AHCTF1: variants seen among roughly 807,000 people sequenced by gnomAD.
AHCTF1 encodes AT-hook containing transcription factor 1, also known as protein ELYS.
AHCTF1 carries 24 observed loss-of-function variants against 248.4 expected under a neutral mutation model. The ratio of observed to expected loss-of-function variants is 0.10; its 90% CI spans 0.07 to 0.14. The LOEUF (loss-of-function observed/expected upper bound fraction) is 0.14, where lower values mean the gene tolerates loss of function less well. AHCTF1 is among the 10% of genes least tolerant of loss of function. The probability of loss-of-function intolerance (pLI) is 1.00; values close to 1 mark genes in which losing one functional copy is unlikely to be tolerated. For synonymous variants in AHCTF1, 786 were observed against 929.8 expected, an observed-to-expected ratio of 0.85 and a Z score of 2.81; for missense variants, 2,206 against 2,636.2, an observed-to-expected ratio of 0.84 and a Z score of 3.57.
intron 4 of AHCTF1, among the ~76,000 whole-genome samples, chr1:246,908,169 G>A (rs1323237710): frequency 6.6e-6 from 1 of 152,010 alleles, no homozygotes; most frequent in Non-Finnish European, 1.5e-5. Flanking sequence ...TACATCTTAT[G>A]CCAATAATCT....
chr1:246,861,259 G>A lies in AHCTF1; in HGVS notation c.3772C>T (p.Pro1258Ser), dbSNP rs150123190. 1 of 1,612,196 alleles carries A rather than the reference G, an allele frequency of 6.2e-7. No homozygotes were observed. Among genetic ancestry groups the A allele is most frequent in the African/African-American group, 1.3e-5 (1 of 74,954 alleles). The part of the protein sequence containing the change: ...DDSKLEVFTT[P>S]KKCAVPVETE... ...TCCACTGGAACTGCACATTTTTTAG[G>A]TGTAGTAAATACTTCTAATTTGCTA... The change falls in exon 29 of 36, where the codon CCT becomes TCT. Residue 1258 changes from proline to serine, a missense_variant. By Grantham distance (74) the Pro-to-Ser change is moderately conservative (BLOSUM62 -1). This residue lies in a region of AHCTF1 where 955 missense variants were observed against 1,055.6 expected (regional missense o/e 0.90). Coordinates refer to ENST00000648844, the MANE Select transcript of AHCTF1 (RefSeq NM_001323342.2).
At chr1:246,931,256 G>T (rs1350644269) in intron 1 of AHCTF1, 1 of 1,549,294 alleles carries the variant, frequency 6.5e-7, no homozygotes, top group Non-Finnish European at 8.7e-7. Context: ...AAAGGGTCGC[G>T]GCCCCGGCCG....
chr1:246,890,094 T>A (rs1165901441), intron 16 of AHCTF1, 35 bp from the exon 17 acceptor site: 1 of 1,428,032 alleles, frequency 7.0e-7, no homozygotes, highest in Admixed American at 1.8e-5. Flanking sequence ...AAGCTGGTAA[T>A]AATCCCCAAA....
chr1:246,889,264 T>C (rs1441328528), intron 17 of AHCTF1, among the ~76,000 whole-genome samples: 1 of 145,840 alleles, frequency 6.9e-6, no homozygotes, highest in Non-Finnish European at 1.5e-5. Flanking sequence ...TATTTCCTTT[T>C]CTTTTCTCTT....
chr1:246,891,867 C>A lies in AHCTF1; in HGVS notation c.1857G>T (p.Gln619His). 1.9e-6 allele frequency: 3 copies of A among 1,599,266 alleles called. No homozygotes were observed. In the South Asian group the frequency reaches 3.4e-5, roughly 18 times the overall value. The change falls in exon 15 of 36, where the codon CAG (glutamine) becomes CAT (histidine). Residue 619 changes from glutamine to histidine, a missense_variant. Gln to His is a conservative substitution (Grantham distance 24, BLOSUM62 0). Coordinates refer to ENST00000648844, the MANE Select transcript of AHCTF1 (RefSeq NM_001323342.2). ...GAAGCAAATAGCATTGCTGGATAGACTGTATAGTTTGTGGATCCATGAAAT... is the reference window on the plus strand; with the variant it reads ...GAAGCAAATAGCATTGCTGGATAGAATGTATAGTTTGTGGATCCATGAAAT... ...SCHFMDPQTI[Q>H]SIQQCYLLLS...
intron 25 of AHCTF1, 120 bp downstream of exon 25, chr1:246,867,541 T>A: frequency 7.6e-7 from 1 of 1,311,074 alleles, no homozygotes; most frequent in East Asian, 2.4e-5. Context: ...ACATAAAGAG[T>A]TTTTCTTTTT....
chr1:246,913,430 T>C lies in AHCTF1; in HGVS notation c.376-18A>G. ...GCTGTTACCTAGAAAACATAATACGTGATTTGCTTTTCTTCTGCAAAGTAA... is the reference window on the plus strand; with the variant it reads ...GCTGTTACCTAGAAAACATAATACGCGATTTGCTTTTCTTCTGCAAAGTAA... On this transcript the variant is annotated intron_variant, in intron 3 of 35. Coordinates refer to ENST00000648844, the MANE Select transcript of AHCTF1 (RefSeq NM_001323342.2). 6.3e-7 allele frequency: 1 copy of C among 1,585,550 alleles called. No individual in the cohort carries two copies.
intron 2 of AHCTF1, 149 bp from the exon 3 acceptor site, chr1:246,916,544 T>G: frequency 2.6e-6 from 2 of 781,970 alleles, no homozygotes; most frequent in East Asian, 5.5e-5. Context: ...GCAACTATCA[T>G]TACAATAATA....
At position 246,839,465 on chromosome 1, in the gene AHCTF1, T is replaced by C. The variant is rs1439701475; in HGVS notation, c.*1341A>G. 4 of 878,054 alleles carry C rather than the reference T, an allele frequency of 4.6e-6. No individual in the cohort carries two copies. The East Asian group carries it at 3.6e-4, about 79-fold the overall frequency. 54.4% of individuals were successfully genotyped at this position (878,054 alleles called of 1,614,324 possible). On this transcript the variant is annotated 3_prime_UTR_variant, in exon 36 of 36. Coordinates refer to ENST00000648844, the MANE Select transcript of AHCTF1 (RefSeq NM_001323342.2). ...TTAAATACAAGTTTGATAACTATCA[T>C]TAAAAAAGTAATAAAATCAAAGTCA... is the stretch of plus-strand genomic sequence containing the variant.
intron 1 of AHCTF1, among the ~76,000 whole-genome samples, chr1:246,921,289 C>T (rs905560721): frequency 1.3e-5 from 2 of 152,006 alleles, no homozygotes; most frequent in Non-Finnish European, 1.5e-5. Context: ...GAAGAATATA[C>T]GAGGGACTCT....
chr1:246,863,882 C>T lies in AHCTF1; in HGVS notation c.3540+42G>A, dbSNP rs144446615. 1.9e-6 allele frequency: 3 copies of T among 1,578,466 alleles called. No individual in the cohort carries two copies. The African/African-American group carries it at 4.1e-5, about 21-fold the overall frequency. On this transcript the variant is annotated intron_variant, in intron 27 of 35. Transcript: ENST00000648844. ...CTCCTTGCTACTTGAAAAGTAAGAG[C>T]CATCTAGTTTGATTGTGAACGCTAG...
At chr1:246,880,024 T>A (rs1572407941) in intron 21 of AHCTF1, among the ~76,000 whole-genome samples, 1 of 152,064 alleles carries the variant, frequency 6.6e-6, no homozygotes, top group Non-Finnish European at 1.5e-5. Context: ...TTTTATTTGT[T>A]AAAAGGGTTT....
At chr1:246,910,028 A>T (rs1474541865) in intron 4 of AHCTF1, among the ~76,000 whole-genome samples, 3 of 152,232 alleles carry the variant, frequency 2.0e-5, no homozygotes, top group African/African-American at 7.2e-5. Flanking sequence ...ACTGATCACT[A>T]ATTGAAACTA....
intron 33 of AHCTF1, among the ~76,000 whole-genome samples, chr1:246,848,633 G>A (rs902809317): frequency 4.6e-5 from 7 of 151,908 alleles, no homozygotes; most frequent in Non-Finnish European, 8.8e-5. Context: ...TGGGAGGCTG[G>A]GGCGGGTGGA....
intron 33 of AHCTF1, among the ~76,000 whole-genome samples, chr1:246,846,808 A>G (rs550204117): frequency 7.2e-5 from 11 of 152,152 alleles, no homozygotes; most frequent in African/African-American, 2.6e-4. Flanking sequence ...GGGCTGGAGC[A>G]CAGTGGTGTG....
In AHCTF1 at chr1:246,931,013, G is replaced by A. The variant is rs1667310824; in HGVS notation, c.-8+565C>T. On this transcript the variant is annotated intron_variant, in intron 1 of 35. Coordinates refer to ENST00000648844, the MANE Select transcript of AHCTF1 (RefSeq NM_001323342.2). ...TGTTTCCCAGGTAGGAAAAAGGAAG[G>A]CAAAGCACCCCAAGATGTGCTTTTA... 6 of 1,370,812 alleles carry A rather than the reference G, an allele frequency of 4.4e-6. No individual in the cohort carries two copies. In the East Asian group the frequency reaches 1.6e-4, roughly 37 times the overall value. The allele number at this position is 1,370,812 out of a possible 1,614,324, so 84.9% of individuals were successfully genotyped here.
intron 24 of AHCTF1, among the ~76,000 whole-genome samples, chr1:246,874,295 A>G (rs1167144722): frequency 6.6e-6 from 1 of 152,120 alleles, no homozygotes; most frequent in African/African-American, 2.4e-5. Flanking sequence ...GCCAAATAAC[A>G]TTAACTATTA....
chr1:246,898,854 G>A (rs1411274135), intron 11 of AHCTF1, among the ~76,000 whole-genome samples: 7 of 152,208 alleles, frequency 4.6e-5, no homozygotes, highest in African/African-American at 9.6e-5. Context: ...TCGGGAGGCC[G>A]AGGCAGGCGG....
chr1:246,869,059 T>A (rs954327380), intron 24 of AHCTF1, among the ~76,000 whole-genome samples: 4 of 151,784 alleles, frequency 2.6e-5, no homozygotes, highest in South Asian at 2.1e-4. Context: ...TTGGCCAGGA[T>A]GGTCTCGATC....
Sources: allele counts gnomAD v4.1 joint callset (sites outside exome capture counted in the v4.1 genomes callset), GRCh38; gene constraint gnomAD v4.1.1; regional missense constraint gnomAD v4.1.1; transcripts MANE v1.5; gene names NCBI Gene and HGNC (gene_info 2026-07-23, HGNC 2026-07-21).